TRIM34: variants seen among roughly 807,000 people sequenced by gnomAD.
TRIM34 encodes the protein E3 ubiquitin-protein ligase TRIM34.
Under a neutral mutation model 38.1 loss-of-function variants are expected in TRIM34, and 41 were observed. The observed-to-expected ratio is 1.08, with a 90% confidence interval of 0.84 to 1.40. The LOEUF is 1.40. Ranked by LOEUF, TRIM34 falls within the 40% of genes most tolerant of loss-of-function variation. The pLI is 0.00. For synonymous variants in TRIM34, 200 were observed against 202.5 expected, an observed-to-expected ratio of 0.99 and a Z score of 0.10; for missense variants, 556 against 571.4, an observed-to-expected ratio of 0.97 and a Z score of 0.27.
chr11:5,642,719 G>T, intron 6 of TRIM34, 98 bp from the exon 7 acceptor site: 2 of 1,529,038 alleles, frequency 1.3e-6, no homozygotes, highest in East Asian at 2.3e-5. Context: ...ACAGCTTCAT[G>T]GTATTCCCTT....
chr11:5,628,530 G>A (rs559632162), intron 1 of TRIM34, among the ~76,000 whole-genome samples: 134 of 152,156 alleles, frequency 8.8e-4, no homozygotes, highest in African/African-American at 3.1e-3. Context: ...CCTCCTTAAG[G>A]TCTTTTGATG....
chr11:5,633,962 G>T, intron 3 of TRIM34, 63 bp downstream of exon 3: 1 of 1,571,828 alleles, frequency 6.4e-7, no homozygotes, highest in Non-Finnish European at 8.7e-7. Context: ...ATCCAAGGAG[G>T]CCTCGTCCTT....
rs1491498839 is a variant in TRIM34, at chr11:5,634,530, C to CACAT, written c.520-100_520-99insCATA. 437 of 259,910 alleles carry CACAT rather than the reference C, an allele frequency of 1.7e-3. 1 individual carries two copies. The highest frequency in any genetic ancestry group is 7.6e-3 in the African/African-American group (232 of 30,328). The allele number at this position is 259,910 out of a possible 1,614,324, so 16.1% of individuals were successfully genotyped here. ...ACACACACACACACACACACACACA[C>CACAT]ATATATATATATATATATTTCCCTA... On this transcript the variant is annotated intron_variant, in intron 3 of 7. Transcript: ENST00000429814.
chr11:5,630,908 A>G (rs1272412178), intron 1 of TRIM34, among the ~76,000 whole-genome samples: 1 of 152,212 alleles, frequency 6.6e-6, no homozygotes, highest in Non-Finnish European at 1.5e-5. Flanking sequence ...ACGGAAGATA[A>G]TATGTCTTCA....
upstream of TRIM34, among the ~76,000 whole-genome samples, chr11:5,623,573 G>A (rs886155638): frequency 6.7e-6 from 1 of 150,292 alleles, no homozygotes; most frequent in African/African-American, 2.5e-5. Flanking sequence ...TAGAGACGGG[G>A]GTTTCACCAT....
At chr11:5,627,370 A>T (rs1849292755) in intron 1 of TRIM34, among the ~76,000 whole-genome samples, 1 of 152,056 alleles carries the variant, frequency 6.6e-6, no homozygotes, top group Admixed American at 6.5e-5. Flanking sequence ...ACAAGAGCAA[A>T]ACTCCGTCTC....
intron 4 of TRIM34, 84 bp downstream of exon 4, chr11:5,634,945 G>C: frequency 6.8e-7 from 1 of 1,473,394 alleles, no homozygotes; most frequent in Non-Finnish European, 9.1e-7. Flanking sequence ...GTGACACTAA[G>C]GGGTTTCTTT....
rs757699453 is a variant in TRIM34, at chr11:5,633,821, C to G, written c.441C>G (p.Val147=). 1.2e-6 allele frequency: 2 copies of G among 1,613,872 alleles called. No individual in the cohort carries two copies. Among genetic ancestry groups the G allele is most frequent in the Non-Finnish European group, 1.7e-6 (2 of 1,179,962 alleles). Residue 147 remains valine, a synonymous_variant, in exon 3 of 8, where the codon GTC becomes GTG. Transcript: ENST00000429814. The stretch of plus-strand genomic sequence containing the variant: ...TCTCATAGGAGAAACTCCAGGCAGT[C>G]CTCAAGAGGCTGAAGAAGGAAGAGG... ...FKECQEKLQA[V]LKRLKKEEEE...
chr11:5,641,030 TG>T (rs2133953105), intron 4 of TRIM34, 136 bp from the exon 5 acceptor site: 1 of 1,266,796 alleles, frequency 7.9e-7, no homozygotes, highest in African/African-American at 1.5e-5. Flanking sequence ...TCTAGCTAAA[TG>T]TTTGCCAATT....
At chr11:5,623,431 G>C (rs867420659), upstream of TRIM34, among the ~76,000 whole-genome samples, 2 of 151,554 alleles carry the variant, frequency 1.3e-5, no homozygotes, top group Non-Finnish European at 2.9e-5. Flanking sequence ...GCAGTGGTGC[G>C]ATCTCGGCTC....
chr11:5,633,920 T>A (rs7941976), intron 3 of TRIM34, 21 bp downstream of exon 3: 1,414,008 of 1,611,992 alleles, frequency 0.88, 621,121 homozygotes, highest in East Asian at 1. Flanking sequence ...ATTCTGAAGG[T>A]TTTCTGAGAC....
rs1564886535 is a variant in TRIM34, at chr11:5,634,838, T to G, written c.727T>G (p.Trp243Gly). Residue 243 changes from tryptophan to glycine, a missense_variant, in exon 4 of 8, where the codon TGG (tryptophan) becomes GGG (glycine). Trp to Gly is a radical substitution (Grantham distance 184). Coordinates refer to ENST00000429814, the MANE Select transcript of TRIM34 (RefSeq NM_021616.6). ...CTCAGATGTGGAGTGTCGGAGTCAG[T>G]GGTCAACAATGGAGCTGCTGCAGGT... ...LISDVECRSQ[W>G]STMELLQDMS... is the part of the protein sequence containing the mutation. The G allele has an allele frequency of 6.2e-7, 1 of 1,612,920 alleles. No homozygotes were observed. Among genetic ancestry groups the G allele is most frequent in the Non-Finnish European group, 8.5e-7 (1 of 1,179,312 alleles).
Position 5,643,872 on chromosome 11 carries a change from T to C in TRIM34, c.*163T>C, listed in dbSNP as rs1850132327. ...TTTGGCTTGAGTTATGAGAGATGCTTATTTATTCATTTACTCTTTTTCATA... is the reference window on the plus strand; with the variant it reads ...TTTGGCTTGAGTTATGAGAGATGCTCATTTATTCATTTACTCTTTTTCATA... On this transcript the variant is annotated 3_prime_UTR_variant, in exon 8 of 8. Coordinates refer to ENST00000429814, the MANE Select transcript of TRIM34 (RefSeq NM_021616.6). 2 of 896,782 alleles carry C rather than the reference T, an allele frequency of 2.2e-6. No homozygotes were observed. The highest frequency in any genetic ancestry group is 5.3e-5 in the East Asian group (2 of 37,996). 55.6% of individuals were successfully genotyped at this position (896,782 alleles called of 1,614,324 possible).
chr11:5,621,081 C>T (rs1292153125), upstream of TRIM34, among the ~76,000 whole-genome samples: 1 of 152,162 alleles, frequency 6.6e-6, no homozygotes, highest in Non-Finnish European at 1.5e-5. Context: ...TTCCTATCTC[C>T]AGCACTCATC....
Position 5,643,396 on chromosome 11 carries a change from A to G in TRIM34, c.1154A>G (p.Gln385Arg). 6.2e-7 allele frequency: 1 copy of G among 1,614,146 alleles called. No individual in the cohort carries two copies. The highest frequency in any genetic ancestry group is 8.5e-7 in the Non-Finnish European group (1 of 1,180,016). The stretch of plus-strand genomic sequence containing the variant: ...GTTGTTAGAAGATGTGCAAATCGTC[A>G]AAATCTTTACACCAAATACAGACCT... The part of the protein sequence containing the change: ...KYVVRRCANR[Q>R]NLYTKYRPLF... Residue 385 changes from glutamine (Q) to arginine (R), a missense_variant, in exon 8 of 8, where the codon CAA becomes CGA. By Grantham distance (43) the Gln-to-Arg change is conservative (BLOSUM62 1). Transcript: ENST00000429814.
intron 4 of TRIM34, among the ~76,000 whole-genome samples, chr11:5,640,059 C>G (rs939333780): frequency 2.6e-5 from 4 of 152,162 alleles, no homozygotes; most frequent in African/African-American, 9.7e-5. Flanking sequence ...GTTGTGGTAT[C>G]AAATACTAAA....
upstream of TRIM34, among the ~76,000 whole-genome samples, chr11:5,624,267 A>C (rs1456420263): frequency 6.6e-6 from 1 of 152,194 alleles, no homozygotes; most frequent in Non-Finnish European, 1.5e-5. Context: ...GTTATATGCA[A>C]TAATATGCAC....
intron 1 of TRIM34, chr11:5,626,880 C>T (rs1475037597): frequency 9.1e-5 from 13 of 143,508 alleles, no homozygotes; most frequent in Non-Finnish European, 1.8e-4. Context: ...AAGACTCTGT[C>T]TCAAAAAAAA....
Position 5,644,242 on chromosome 11 carries a change from G to T in TRIM34, c.*533G>T. The T allele has an allele frequency of 2.5e-6, 1 of 398,812 alleles. No homozygotes were observed. The highest frequency in any genetic ancestry group is 4.4e-5 in the Admixed American group (1 of 22,742). 24.7% of individuals were successfully genotyped at this position (398,812 alleles called of 1,614,324 possible). On this transcript the variant is annotated 3_prime_UTR_variant, in exon 8 of 8. Coordinates refer to ENST00000429814, the MANE Select transcript of TRIM34 (RefSeq NM_021616.6). ...TTGCCTGTTGTTTTCTAATCATGAT[G>T]AATACTTTCTCAGTTTCTTTTTCCT...
Sources: allele counts gnomAD v4.1 joint callset (sites outside exome capture counted in the v4.1 genomes callset), GRCh38; gene constraint gnomAD v4.1.1; transcripts MANE v1.5; gene names NCBI Gene and HGNC (gene_info 2026-07-23, HGNC 2026-07-21).